Variants in RUFY2 observed in about 807,000 individuals in gnomAD.
The protein encoded by RUFY2 is RUN and FYVE domain-containing protein 2.
RUFY2 carries 49 observed loss-of-function variants against 94.4 expected under a neutral mutation model. The ratio of observed to expected loss-of-function variants is 0.52; its 90% CI spans 0.41 to 0.66. The LOEUF is 0.66. Among genes scored for constraint, RUFY2 ranks in the 30% least tolerant of loss-of-function variants. The pLI is 0.00. For missense variants in RUFY2, 541 were observed against 692.8 expected (o/e 0.78, Z 2.46); for synonymous variants, 255 against 235.7 (o/e 1.08, Z -0.75).
intron 13 of RUFY2, among the ~76,000 whole-genome samples, chr10:68,375,329 G>GT (rs1280236622): frequency 1.2e-4 from 14 of 120,718 alleles, no homozygotes; most frequent in African/African-American, 4.0e-4. Context: ...AGGATGGGGG[G>GT]AGGGAAAGGA....
chr10:68,377,628 A>G (rs1410056913), intron 12 of RUFY2: 19 of 985,300 alleles, frequency 1.9e-5, no homozygotes, highest in Non-Finnish European at 2.3e-5. Flanking sequence ...AATATTAAAA[A>G]TTAGCTAAAA....
chr10:68,367,006 A>G (rs979181215), intron 13 of RUFY2, among the ~76,000 whole-genome samples: 1 of 151,062 alleles, frequency 6.6e-6, no homozygotes, highest in Non-Finnish European at 1.5e-5. Context: ...TGTCTCTACT[A>G]AAAACACAAA....
In RUFY2 at chr10:68,356,639, G is replaced by A. The variant is rs767214416; in HGVS notation, c.1551-1238C>T. Among the ~76,000 whole-genome samples, 120 of 151,662 alleles carry A rather than the reference G, an allele frequency of 7.9e-4. 1 individual carries two copies. The highest frequency in any genetic ancestry group is 1.5e-3 in the Non-Finnish European group (103 of 67,936). On this transcript the variant is annotated intron_variant, in intron 15 of 17. Coordinates refer to ENST00000602465, the MANE Select transcript of RUFY2 (RefSeq NM_001330103.2). ...CTCAACTCACTGCAACCTCTGCCTC[G>A]TAGGTTCAAGTGATTCTCCTGCCTC...
Position 68,396,975 on chromosome 10 carries a change from T to C in RUFY2, c.297-94A>G, listed in dbSNP as rs1589981070. Reference sequence around the variant, plus strand: ...TAAACATTAACAAGGAAAAAGGGCATTTTTATAATGGTTTTGTTTTCATTT... The same window carrying C: ...TAAACATTAACAAGGAAAAAGGGCACTTTTATAATGGTTTTGTTTTCATTT... On this transcript the variant is annotated intron_variant, in intron 3 of 17. Coordinates refer to ENST00000602465, the MANE Select transcript of RUFY2 (RefSeq NM_001330103.2). 3 of 771,450 alleles carry C rather than the reference T, an allele frequency of 3.9e-6. No homozygotes were observed. In the East Asian group the frequency reaches 7.5e-5, roughly 19 times the overall value. The allele number at this position is 771,450 out of a possible 1,614,324, so 47.8% of individuals were successfully genotyped here.
At chr10:68,369,411 G>A (rs1385786652) in intron 13 of RUFY2, among the ~76,000 whole-genome samples, 1 of 151,914 alleles carries the variant, frequency 6.6e-6, no homozygotes, top group Admixed American at 6.6e-5. Context: ...CCTGAACTGG[G>A]GAGGTCAAGG....
Position 68,346,044 on chromosome 10 carries a change from T to A in RUFY2, c.1640A>T (p.Lys547Ile). ...WLKDKEATHCKLCEKEFSLSK... is the reference protein window; with the variant it reads ...WLKDKEATHCILCEKEFSLSK... ...GAGTGAGAATTCCTTTTCACAAAGTTTACAATGTGTTGCTTCTTTGTCTTT... is the reference window on the plus strand; with the variant it reads ...GAGTGAGAATTCCTTTTCACAAAGTATACAATGTGTTGCTTCTTTGTCTTT... The change falls in exon 17 of 18, where the codon AAA becomes ATA. Residue 547 changes from lysine (K) to isoleucine (I), a missense_variant. By Grantham distance (102) the Lys-to-Ile change is moderately radical. Coordinates refer to ENST00000602465, the MANE Select transcript of RUFY2 (RefSeq NM_001330103.2). 6.2e-7 allele frequency: 1 copy of A among 1,613,952 alleles called. No individual in the cohort carries two copies. The highest frequency in any genetic ancestry group is 1.1e-5 in the South Asian group (1 of 91,040).
intron 13 of RUFY2, among the ~76,000 whole-genome samples, chr10:68,371,048 A>C (rs1480475047): frequency 1.4e-5 from 2 of 147,798 alleles, no homozygotes; most frequent in Non-Finnish European, 3.0e-5. Context: ...AGGAGAATGG[A>C]GTGAACCCAG....
At chr10:68,383,335 T>C (rs999784261) in intron 10 of RUFY2, among the ~76,000 whole-genome samples, 1 of 142,000 alleles carries the variant, frequency 7.0e-6, no homozygotes, top group Non-Finnish European at 1.5e-5. Flanking sequence ...AAAACAACAA[T>C]AGGCTGGGCG....
chr10:68,391,196 A>C (rs879870719), intron 7 of RUFY2, among the ~76,000 whole-genome samples: 1 of 152,050 alleles, frequency 6.6e-6, no homozygotes, highest in Admixed American at 6.6e-5. Context: ...TCGGCCTCCC[A>C]AAGTGCTGGG....
intron 7 of RUFY2, among the ~76,000 whole-genome samples, chr10:68,392,620 G>A (rs912688052): frequency 6.6e-6 from 1 of 151,936 alleles, no homozygotes; most frequent in African/African-American, 2.4e-5. Context: ...TGAAGATTCT[G>A]TATTAAAAAC....
chr10:68,367,549 G>A (rs1040367288), intron 13 of RUFY2, among the ~76,000 whole-genome samples: 5 of 152,020 alleles, frequency 3.3e-5, no homozygotes, highest in African/African-American at 4.8e-5. Flanking sequence ...TGAACTCCTG[G>A]GCTCAAGCAA....
At chr10:68,369,152 A>C (rs1422130897) in intron 13 of RUFY2, among the ~76,000 whole-genome samples, 7 of 152,192 alleles carry the variant, frequency 4.6e-5, no homozygotes, top group Non-Finnish European at 4.4e-5. Context: ...TCCTCTTCAA[A>C]ACTCACATTG....
intron 10 of RUFY2, 99 bp downstream of exon 10, chr10:68,383,699 C>T (rs1845054861): frequency 1.2e-6 from 1 of 851,668 alleles, no homozygotes; most frequent in African/African-American, 1.7e-5. Context: ...ACATACCACA[C>T]CAAAAAGGAT....
intron 3 of RUFY2, among the ~76,000 whole-genome samples, chr10:68,399,383 C>T (rs189533538): frequency 3.3e-5 from 5 of 152,190 alleles, no homozygotes; most frequent in African/African-American, 1.2e-4. Context: ...TTAAATCCTG[C>T]CTCTGCCACT....
chr10:68,398,103 G>A (rs1223392943), intron 3 of RUFY2, among the ~76,000 whole-genome samples: 11 of 143,750 alleles, frequency 7.7e-5, no homozygotes, highest in Non-Finnish European at 1.6e-4. Flanking sequence ...CTCCAGCCTG[G>A]GCAACAAGGT....
rs1035326009 is a variant in RUFY2, at chr10:68,394,544, T to G, written c.399-93A>C. On this transcript the variant is annotated intron_variant, in intron 4 of 17. Coordinates refer to ENST00000602465, the MANE Select transcript of RUFY2 (RefSeq NM_001330103.2). Reference sequence around the variant, plus strand: ...CCATTATCTTCCTAATCTTCTACCTTACAGAAATGGAAGCCATCTCAGTTA... The same window carrying G: ...CCATTATCTTCCTAATCTTCTACCTGACAGAAATGGAAGCCATCTCAGTTA... 8.0e-6 allele frequency: 7 copies of G among 870,310 alleles called. No individual in the cohort carries two copies. In the South Asian group the frequency reaches 1.2e-4, roughly 15 times the overall value. 53.9% of individuals were successfully genotyped at this position (870,310 alleles called of 1,614,324 possible). A position where few individuals can be genotyped will look rare whatever the true frequency, so the allele number is the denominator to read the frequency against.
chr10:68,394,110 A>G lies in RUFY2; in HGVS notation c.549T>C (p.Tyr183=). The part of the protein sequence containing the change: ...SQVGVIDFSM[Y]LKNEEDIGNK... ...TTCCAATATCTTCTTCATTCTTTAA[A>G]TACATAGAAAAATCAATCACTCCAA... The change falls in exon 6 of 18, where the codon TAT becomes TAC. Residue 183 remains tyrosine (Y), a synonymous_variant. Transcript: ENST00000602465. 6 of 1,503,480 alleles carry G rather than the reference A, an allele frequency of 4.0e-6. No individual in the cohort carries two copies. The highest frequency in any genetic ancestry group is 5.4e-6 in the Non-Finnish European group (6 of 1,121,120). 93.1% of individuals were successfully genotyped at this position (1,503,480 alleles called of 1,614,324 possible). A position where few individuals can be genotyped will look rare whatever the true frequency, so the allele number is the denominator to read the frequency against.
At chr10:68,382,831 T>C (rs2049181933) in intron 10 of RUFY2, among the ~76,000 whole-genome samples, 1 of 152,168 alleles carries the variant, frequency 6.6e-6, no homozygotes, top group African/African-American at 2.4e-5. Context: ...CGCAGGTTAT[T>C]TGTGTTATAA....
In RUFY2 at chr10:68,344,801, T is replaced by C. The variant is rs2046183840; in HGVS notation, c.*967A>G. On this transcript the variant is annotated 3_prime_UTR_variant, in exon 18 of 18. Transcript: ENST00000602465. ...GATGTATACAGGTAGGCCACTACAATGTGATACTTCCTAAAATTTACTCCA... is the reference window on the plus strand; with the variant it reads ...GATGTATACAGGTAGGCCACTACAACGTGATACTTCCTAAAATTTACTCCA... The C allele has an allele frequency of 6.6e-6, 1 of 152,256 alleles. No individual in the cohort carries two copies. The allele number at this position is 152,256 out of a possible 1,614,324, so 9.4% of individuals were successfully genotyped here.
Sources: allele counts gnomAD v4.1 joint callset (sites outside exome capture counted in the v4.1 genomes callset), GRCh38; gene constraint gnomAD v4.1.1; transcripts MANE v1.5; gene names NCBI Gene and HGNC (gene_info 2026-07-23, HGNC 2026-07-21).